Variants in SEMA6A observed in about 807,000 individuals in gnomAD.
SEMA6A encodes semaphorin 6A.
A neutral mutation model predicts 96.8 loss-of-function variants in SEMA6A; 25 were observed. The ratio of observed to expected loss-of-function variants is 0.26; its 90% CI spans 0.19 to 0.36. The LOEUF is 0.36. Among genes scored for constraint, SEMA6A ranks in the 10% least tolerant of loss-of-function variants. The pLI is 1.00. For missense variants in SEMA6A, 1,363 were observed against 1,323.1 expected, an observed-to-expected ratio of 1.03 and a Z score of -0.47; for synonymous variants, 612 against 518.0, an observed-to-expected ratio of 1.18 and a Z score of -2.46.
At chr5:116,487,083 T>C (rs1757086381) in intron 9 of SEMA6A, 117 bp from the exon 10 acceptor site, 1 of 589,866 alleles carries the variant, frequency 1.7e-6, no homozygotes, top group East Asian at 3.0e-5. Context: ...ATACTGTTTC[T>C]AAAATCAGTA....
intron 17 of SEMA6A, 152 bp from the exon 18 acceptor site, chr5:116,467,899 T>TGGG: frequency 1.6e-6 from 1 of 622,400 alleles, no homozygotes; most frequent in Non-Finnish European, 2.7e-6. Context: ...GTGGTGGTGG[T>TGGG]GGTGGTGGTG....
intron 1 of SEMA6A, among the ~76,000 whole-genome samples, chr5:116,543,888 G>A (rs1025305772): frequency 1.4e-4 from 22 of 152,268 alleles, no homozygotes; most frequent in African/African-American, 4.8e-4. Flanking sequence ...GACTTTGCAG[G>A]CTCTCTCTTC....
chr5:116,500,396 G>A (rs1757819278), intron 3 of SEMA6A, among the ~76,000 whole-genome samples: 1 of 152,104 alleles, frequency 6.6e-6, no homozygotes, highest in Non-Finnish European at 1.5e-5. Context: ...AATAATAATA[G>A]CTCCTTCTTG....
rs1359442150 is a variant in SEMA6A at position 116,468,023 on chromosome 5, TC to T, written c.1730-277del. The T allele has an allele frequency of 2.0e-5, 8 of 404,010 alleles. No homozygotes were observed. The Admixed American group carries it at 2.4e-4, about 12-fold the overall frequency. The allele number at this position is 404,010 out of a possible 1,614,324, so 25.0% of individuals were successfully genotyped here. A position where few individuals can be genotyped will look rare whatever the true frequency, so the allele number is the denominator to read the frequency against. On this transcript the variant is annotated intron_variant, in intron 17 of 18. Coordinates refer to ENST00000343348, the MANE Select transcript of SEMA6A (RefSeq NM_020796.5). ...GGCCTCAGGGAATCACTTAACCTCT[TC>T]CTGTGCACCCAGTGGGGATAAAGAT...
intron 17 of SEMA6A, chr5:116,471,391 A>G (rs896297392): frequency 6.6e-6 from 1 of 152,188 alleles, no homozygotes; most frequent in South Asian, 2.1e-4. Context: ...TGGTCTTGGT[A>G]TGATTGATGA....
intron 1 of SEMA6A, among the ~76,000 whole-genome samples, chr5:116,529,905 G>C (rs1759386470): frequency 6.6e-6 from 1 of 152,046 alleles, no homozygotes; most frequent in Non-Finnish European, 1.5e-5. Flanking sequence ...CTCACTACCT[G>C]GGTGACGGGA....
intron 1 of SEMA6A, among the ~76,000 whole-genome samples, chr5:116,509,614 G>A (rs1758314745): frequency 6.6e-6 from 1 of 151,810 alleles, no homozygotes; most frequent in South Asian, 2.1e-4. Context: ...GTGTGAGAGA[G>A]AGAGAGAGAG....
intron 6 of SEMA6A, among the ~76,000 whole-genome samples, chr5:116,493,132 C>G (rs986506880): frequency 1.4e-4 from 21 of 152,100 alleles, no homozygotes; most frequent in African/African-American, 5.1e-4. Context: ...GAGGTGACGG[C>G]ATTATTATAA....
At chr5:116,493,778 C>T (rs574219512) in intron 6 of SEMA6A, among the ~76,000 whole-genome samples, 3 of 152,152 alleles carry the variant, frequency 2.0e-5, no homozygotes, top group African/African-American at 7.2e-5. Flanking sequence ...CCTAGGGTTT[C>T]ACTTTATGAT....
chr5:116,550,489 G>A (rs1255753929), intron 1 of SEMA6A: 2 of 152,098 alleles, frequency 1.3e-5, no homozygotes, highest in African/African-American at 2.4e-5. Context: ...GCCTTTAACT[G>A]GGTTTACTGA....
intron 2 of SEMA6A, among the ~76,000 whole-genome samples, chr5:116,503,544 G>A (rs977731025): frequency 3.4e-5 from 5 of 147,468 alleles, no homozygotes; most frequent in South Asian, 2.3e-4. Flanking sequence ...ACAGAGTCTC[G>A]CTCTGTCATA....
At chr5:116,572,778 C>A (rs1463464703) in intron 1 of SEMA6A, among the ~76,000 whole-genome samples, 5 of 152,128 alleles carry the variant, frequency 3.3e-5, no homozygotes, top group Admixed American at 3.3e-4. Context: ...AGCTGCATCC[C>A]GAGCTGTCCG....
At position 116,444,436 on chromosome 5, in the gene SEMA6A, A is replaced by G. The variant is rs1463672762; in HGVS notation, c.*2177T>C. On this transcript the variant is annotated 3_prime_UTR_variant, in exon 19 of 19. Coordinates refer to ENST00000343348, the MANE Select transcript of SEMA6A (RefSeq NM_020796.5). ...GTCTTTTTTTGAATTCTTTTTAAAG[A>G]CAAAACTAAACCCAGAAGATCGAAC... The G allele has an allele frequency of 6.6e-6, 1 of 152,348 alleles. No individual in the cohort carries two copies. The highest frequency in any genetic ancestry group is 6.5e-5 in the Admixed American group (1 of 15,284). 9.4% of individuals were successfully genotyped at this position (152,348 alleles called of 1,614,324 possible).
chr5:116,540,866 T>G (rs1422783112), intron 1 of SEMA6A, among the ~76,000 whole-genome samples: 3 of 152,202 alleles, frequency 2.0e-5, no homozygotes, highest in Non-Finnish European at 4.4e-5. Context: ...TGGTAGTATA[T>G]TTCTACATGG....
rs893735009 is a variant in SEMA6A, at chr5:116,447,090, C to T, written c.2616G>A (p.Glu872=). The T allele has an allele frequency of 6.2e-7, 1 of 1,613,972 alleles. No homozygotes were observed. The highest frequency in any genetic ancestry group is 8.5e-7 in the Non-Finnish European group (1 of 1,179,894). ...KSPNHGVNLV[E]NLDSLPPKVP... is the part of the protein sequence containing the mutation. ...CTTTGGGGGGCAGGCTGTCCAGGTTCTCCACAAGGTTCACCCCATGGTTGG... is the reference window on the plus strand; with the variant it reads ...CTTTGGGGGGCAGGCTGTCCAGGTTTTCCACAAGGTTCACCCCATGGTTGG... The change falls in exon 19 of 19, where the codon GAG becomes GAA. Residue 872 remains glutamate (E), a synonymous_variant. Coordinates refer to ENST00000343348, the MANE Select transcript of SEMA6A (RefSeq NM_020796.5).
rs528861551 is a variant in SEMA6A, at chr5:116,505,029, A to C, written c.-38-47T>G. 2.3e-4 allele frequency: 191 copies of C among 832,222 alleles called. No individual in the cohort carries two copies. The African/African-American group carries it at 2.8e-3, about 12-fold the overall frequency. The allele number at this position is 832,222 out of a possible 1,614,324, so 51.6% of individuals were successfully genotyped here. ...ATTTTTTTCCAAGTCAGCTTTGTTC[A>C]ATGCCATAAAATGAAATACCCTGAA... is the stretch of plus-strand genomic sequence containing the variant. On this transcript the variant is annotated intron_variant, in intron 1 of 18. Coordinates refer to ENST00000343348, the MANE Select transcript of SEMA6A (RefSeq NM_020796.5).
rs776087798 is a variant in SEMA6A, at chr5:116,495,467, A to G, written c.390T>C (p.Asp130=). The G allele has an allele frequency of 3.7e-6, 6 of 1,610,068 alleles. No individual in the cohort carries two copies. Among genetic ancestry groups the G allele is most frequent in the Admixed American group, 3.4e-5 (2 of 59,562 alleles). Residue 130 remains aspartate (D), a synonymous_variant, in exon 6 of 19, where the codon GAT becomes GAC. Transcript: ENST00000343348. ...FIKVLLKKND[D]ALFVCGTNAF... ...CATTAGTTCCACAGACAAACAATGC[A>G]TCATCGTTTTTCTTTAGAAGAACTT...
chr5:116,486,331 A>G (rs994683843), intron 10 of SEMA6A, among the ~76,000 whole-genome samples: 1 of 152,220 alleles, frequency 6.6e-6, no homozygotes, highest in Non-Finnish European at 1.5e-5. Flanking sequence ...GACCTAGAAG[A>G]GACAGGACGA....
At position 116,561,968 on chromosome 5, in the gene SEMA6A, A is replaced by T. The variant is rs182936844; in HGVS notation, c.-39+12217T>A. The stretch of plus-strand genomic sequence containing the variant: ...TACTCTGAACATCCCTTTATAATTT[A>T]AAAAAAAAAAGTATCCAAAAGATGT... On this transcript the variant is annotated intron_variant, in intron 1 of 18. Transcript: ENST00000343348. Among the ~76,000 whole-genome samples, 473 of 82,534 alleles carry T rather than the reference A, an allele frequency of 5.7e-3. 1 individual carries two copies. Among genetic ancestry groups the T allele is most frequent in the African/African-American group, 0.019 (445 of 23,854 alleles). The allele number at this position is 82,534 out of a possible 152,430, so 54.1% of individuals were successfully genotyped here.
Sources: allele counts gnomAD v4.1 joint callset (sites outside exome capture counted in the v4.1 genomes callset), GRCh38; gene constraint gnomAD v4.1.1; transcripts MANE v1.5; gene names NCBI Gene and HGNC (gene_info 2026-07-23, HGNC 2026-07-21).